GRIN3A: variants seen among roughly 807,000 people sequenced by gnomAD.
The protein encoded by GRIN3A is glutamate ionotropic receptor NMDA type subunit 3A.
GRIN3A carries 47 observed loss-of-function variants against 92.4 expected under a neutral mutation model. The observed-to-expected ratio is 0.51, with a 90% CI of 0.40 to 0.65. The LOEUF is 0.65. GRIN3A is among the 30% of genes least tolerant of loss of function. The pLI, the probability that GRIN3A is intolerant of heterozygous loss-of-function variation, is 0.00. For missense variants in GRIN3A, 1,324 were observed against 1,393.1 expected (o/e 0.95, Z 0.79); for synonymous variants, 527 against 540.6 (o/e 0.97, Z 0.35).
chr9:101,691,272 A>G (rs1290969568), intron 1 of GRIN3A, among the ~76,000 whole-genome samples: 1 of 152,154 alleles, frequency 6.6e-6, no homozygotes, highest in Non-Finnish European at 1.5e-5. Context: ...TGTTGTCTCT[A>G]TGGTGGATGA....
rs1435550724 is a variant in GRIN3A at position 101,712,700 on chromosome 9, G to A, written c.699+24581C>T. ...CTCTAAAAACATCTACTAATAATCA[G>A]CTTATTGCTAGAACAGAAGGATATT... On this transcript the variant is annotated intron_variant, in intron 1 of 8. Transcript: ENST00000361820. Among the ~76,000 whole-genome samples the A allele has an allele frequency of 2.6e-5, 4 of 152,162 alleles. No homozygotes were observed. The East Asian group carries it at 7.7e-4, about 29-fold the overall frequency.
At chr9:101,615,214 CTT>C (rs66704416) in intron 5 of GRIN3A, among the ~76,000 whole-genome samples, 14 of 143,786 alleles carry the variant, frequency 9.7e-5, no homozygotes, top group East Asian at 2.0e-4. Flanking sequence ...AACCCAAACC[CTT>C]TTTTTTTTTG....
At chr9:101,587,757 T>C (rs62575850) in intron 6 of GRIN3A, among the ~76,000 whole-genome samples, 12,323 of 152,108 alleles carry the variant, frequency 0.081, 586 homozygotes, top group Middle Eastern at 0.12. Context: ...TTTTCCTTAA[T>C]AAGAGAGCTG....
At chr9:101,622,997 C>CACACAA (rs1588253786) in intron 5 of GRIN3A, among the ~76,000 whole-genome samples, 3 of 148,542 alleles carry the variant, frequency 2.0e-5, no homozygotes, top group Admixed American at 2.0e-4. Flanking sequence ...TGCCACTAAA[C>CACACAA]ACACACACAC....
intron 8 of GRIN3A, among the ~76,000 whole-genome samples, chr9:101,574,927 A>G (rs1827808343): frequency 6.6e-6 from 1 of 152,204 alleles, no homozygotes; most frequent in South Asian, 2.1e-4. Context: ...CATAGACCAG[A>G]CAGCCCTTAG....
At chr9:101,737,199 C>A in intron 1 of GRIN3A, 82 bp downstream of exon 1, 1 of 1,151,836 alleles carries the variant, frequency 8.7e-7, no homozygotes, top group South Asian at 1.2e-5. Context: ...CAGACTTTAC[C>A]AAGCCGTTTT....
chr9:101,587,934 T>C (rs2118801978), intron 6 of GRIN3A, among the ~76,000 whole-genome samples: 1 of 152,306 alleles, frequency 6.6e-6, no homozygotes, highest in South Asian at 2.1e-4. Context: ...ATTTATTTAT[T>C]TATTTATTGC....
At chr9:101,667,732 A>T (rs932385700) in intron 3 of GRIN3A, among the ~76,000 whole-genome samples, 3 of 152,024 alleles carry the variant, frequency 2.0e-5, no homozygotes, top group Non-Finnish European at 4.4e-5. Flanking sequence ...TTTATCTTGT[A>T]TCTCTGTTTG....
intron 1 of GRIN3A, among the ~76,000 whole-genome samples, chr9:101,711,614 T>TAAA (rs1829880462): frequency 6.6e-6 from 1 of 152,154 alleles, no homozygotes; most frequent in African/African-American, 2.4e-5. Flanking sequence ...CTGATTTGCT[T>TAAA]TCTGTGGGTT....
chr9:101,636,376 C>T (rs1233335396), intron 3 of GRIN3A, among the ~76,000 whole-genome samples: 2 of 152,090 alleles, frequency 1.3e-5, no homozygotes, highest in Admixed American at 6.5e-5. Context: ...GGCACTGTGC[C>T]AGGATCTTAA....
chr9:101,582,818 G>A (rs1015605791), intron 6 of GRIN3A, among the ~76,000 whole-genome samples: 1 of 152,134 alleles, frequency 6.6e-6, no homozygotes, highest in Non-Finnish European at 1.5e-5. Context: ...GTAACTTGCA[G>A]TGAGTCATCT....
At chr9:101,636,477 C>T (rs1030581487) in intron 3 of GRIN3A, among the ~76,000 whole-genome samples, 5 of 152,100 alleles carry the variant, frequency 3.3e-5, no homozygotes, top group African/African-American at 1.2e-4. Context: ...AAACTTGGAG[C>T]TATTAAGCAA....
At chr9:101,734,596 T>G (rs186927073) in intron 1 of GRIN3A, among the ~76,000 whole-genome samples, 3 of 152,112 alleles carry the variant, frequency 2.0e-5, no homozygotes, top group African/African-American at 7.2e-5. Flanking sequence ...GAAATAAAAC[T>G]ATTATGCTTT....
At chr9:101,623,096 A>T (rs1242126621) in intron 5 of GRIN3A, among the ~76,000 whole-genome samples, 1 of 152,094 alleles carries the variant, frequency 6.6e-6, no homozygotes, top group Non-Finnish European at 1.5e-5. Context: ...TATGGGTAAC[A>T]ATGATTTTTC....
chr9:101,695,285 T>C (rs1285321324), intron 1 of GRIN3A, among the ~76,000 whole-genome samples: 3 of 152,204 alleles, frequency 2.0e-5, no homozygotes, highest in Admixed American at 2.0e-4. Flanking sequence ...TGGCTACTGA[T>C]TGCTGAGACT....
At chr9:101,666,908 C>T (rs891926934) in intron 3 of GRIN3A, among the ~76,000 whole-genome samples, 2 of 152,036 alleles carry the variant, frequency 1.3e-5, no homozygotes, top group Non-Finnish European at 2.9e-5. Flanking sequence ...TATTCATTTT[C>T]TTTCTCTTGT....
chr9:101,697,873 A>G (rs1588288041), intron 1 of GRIN3A, among the ~76,000 whole-genome samples: 1 of 152,188 alleles, frequency 6.6e-6, no homozygotes, highest in South Asian at 2.1e-4. Context: ...TTTAATGAGT[A>G]TGACTTAATT....
Position 101,691,991 on chromosome 9 carries a change from T to A in GRIN3A, c.700-4791A>T, listed in dbSNP as rs75724820. Among the ~76,000 whole-genome samples the A allele has an allele frequency of 6.7e-3, 1,017 of 152,296 alleles. 9 individuals are homozygous for A. The highest frequency in any genetic ancestry group is 8.8e-3 in the Non-Finnish European group (596 of 68,018). ...TTAAATGTAAGAATGTGAGAATGCA[T>A]GGAAAGTGCCTGGCGCAGAGTGAGG... is the stretch of plus-strand genomic sequence containing the variant. On this transcript the variant is annotated intron_variant, in intron 1 of 8. Transcript: ENST00000361820.
intron 6 of GRIN3A, chr9:101,594,987 G>T: frequency 6.5e-7 from 1 of 1,548,048 alleles, no homozygotes; most frequent in Non-Finnish European, 8.7e-7. Flanking sequence ...GTGAGCTCGG[G>T]CGGGGCTCGT....
Sources: gnomAD v4.1 joint callset for allele counts (sites outside exome capture counted in the v4.1 genomes callset) on GRCh38, gnomAD v4.1.1 for gene constraint, MANE v1.5 for transcripts, NCBI Gene and HGNC (gene_info 2026-07-23, HGNC 2026-07-21) for gene names.